Variants in ALK observed in about 807,000 individuals in gnomAD.
ALK encodes ALK tyrosine kinase receptor.
In ALK, 74 loss-of-function variants were observed where a neutral mutation model predicts 163.1. The observed-to-expected ratio is 0.45, with a 90% confidence interval of 0.38 to 0.55. ALK has a LOEUF of 0.55. Among genes scored for constraint, ALK ranks in the 20% least tolerant of loss-of-function variants. The pLI is 0.00. For missense variants in ALK, 2,063 were observed against 2,105.3 expected (o/e 0.98, Z 0.39); for synonymous variants, 960 against 843.2 (o/e 1.14, Z -2.40).
At chr2:29,890,429 G>A (rs917945957) in intron 1 of ALK, 18 of 152,274 alleles carry the variant, frequency 1.2e-4, no homozygotes, top group African/African-American at 4.3e-4. Context: ...ACTACAAAAA[G>A]GTTATAGGCG....
chr2:29,573,678 T>A (rs1674442748), intron 3 of ALK, among the ~76,000 whole-genome samples: 1 of 152,128 alleles, frequency 6.6e-6, no homozygotes. Flanking sequence ...ACAGAGAGCG[T>A]GCGGGCCACA....
rs774392951 is a variant in ALK, at chr2:29,476,209, C to G, written c.1154+55706G>C. On this transcript the variant is annotated intron_variant, in intron 4 of 28. Transcript: ENST00000389048. ...CAAATGCTGCCCTCTCCTCCCCATG[C>G]CTGCAGGCATGCATCTAGTCCTTCA... 7.6e-4 allele frequency among the ~76,000 whole-genome samples: 116 copies of G among 152,244 alleles called. 1 individual carries two copies. The highest frequency in any genetic ancestry group is 1.3e-4 in the Non-Finnish European group (9 of 68,016).
chr2:29,638,698 G>C (rs959300752), intron 3 of ALK, among the ~76,000 whole-genome samples: 2 of 152,086 alleles, frequency 1.3e-5, no homozygotes, highest in Non-Finnish European at 2.9e-5. Flanking sequence ...TTGCCCTACA[G>C]TTTCTCTGTT....
At chr2:29,488,810 G>A (rs372497041) in intron 4 of ALK, among the ~76,000 whole-genome samples, 3 of 152,100 alleles carry the variant, frequency 2.0e-5, no homozygotes, top group African/African-American at 4.8e-5. Context: ...TTGTTATCAC[G>A]GCCCGGTCTT....
At chr2:29,908,280 G>GCGCA (rs1667603375) in intron 1 of ALK, among the ~76,000 whole-genome samples, 1 of 148,470 alleles carries the variant, frequency 6.7e-6, no homozygotes, top group East Asian at 2.0e-4. Context: ...ACTCTCCAGA[G>GCGCA]CACACACACA....
In ALK at chr2:29,251,149, CA is replaced by C. The variant is rs2148197328; in HGVS notation, c.2159del (p.Leu720ArgfsTer32). The C allele has an allele frequency of 3.1e-6, 5 of 1,614,154 alleles. No homozygotes were observed. Among genetic ancestry groups the C allele is most frequent in the Non-Finnish European group, 4.2e-6 (5 of 1,180,028 alleles). ...GCACCTTCCAGATCTGGATGCCTTTCAGGGGGCCCTCGCTCCCCACCTCCAC... is the reference window on the plus strand; with the variant it reads ...GCACCTTCCAGATCTGGATGCCTTTCGGGGGCCCTCGCTCCCCACCTCCAC... ...LSVEVGSEGP[L>X]KGIQIWKVPA... On this transcript the variant is annotated frameshift_variant, in exon 12 of 29. Transcript: ENST00000389048. LOFTEE classifies it high-confidence loss of function.
At position 29,623,551 on chromosome 2, in the gene ALK, A is replaced by G. The variant is rs944684907; in HGVS notation, c.952+71299T>C. 2.0e-5 allele frequency among the ~76,000 whole-genome samples: 3 copies of G among 152,202 alleles called. No homozygotes were observed. The South Asian group carries it at 6.2e-4, about 32-fold the overall frequency. On this transcript the variant is annotated intron_variant, in intron 3 of 28. Transcript: ENST00000389048. ...ATCCTATGTGGTAGGTACTATTCACATCTCCATTTTCTAGATGATGGGGGT... is the reference window on the plus strand; with the variant it reads ...ATCCTATGTGGTAGGTACTATTCACGTCTCCATTTTCTAGATGATGGGGGT...
chr2:29,791,126 A>G (rs1414688364), intron 1 of ALK, among the ~76,000 whole-genome samples: 1 of 152,216 alleles, frequency 6.6e-6, no homozygotes, highest in East Asian at 1.9e-4. Flanking sequence ...TTAGTTTCCT[A>G]TCTCTGTACC....
In ALK at chr2:29,507,445, T is replaced by C. The variant is rs200195690; in HGVS notation, c.1154+24470A>G. On this transcript the variant is annotated intron_variant, in intron 4 of 28. Coordinates refer to ENST00000389048, the MANE Select transcript of ALK (RefSeq NM_004304.5). ...TGGGATGATGAAAAGGTTCTAGAGA[T>C]AGATGGTGGTGATAGTTGCAAAGCA... 1.9e-4 allele frequency among the ~76,000 whole-genome samples: 29 copies of C among 152,200 alleles called. No homozygotes were observed. In the South Asian group the frequency reaches 5.2e-3, roughly 27 times the overall value.
chr2:29,365,812 CCT>C (rs1209569409), intron 5 of ALK, among the ~76,000 whole-genome samples: 2 of 152,118 alleles, frequency 1.3e-5, no homozygotes, highest in Admixed American at 6.5e-5. Context: ...GGCACTGATA[CCT>C]CTCTCTGGTG....
rs139694201 is a variant in ALK at position 29,862,596 on chromosome 2, A to G, written c.667+57397T>C. ...GAAAGATCTGAACACTGAAAATTAT[A>G]AAACATTGATGAAAGAAATTAAATA... On this transcript the variant is annotated intron_variant, in intron 1 of 28. Coordinates refer to ENST00000389048, the MANE Select transcript of ALK (RefSeq NM_004304.5). Among the ~76,000 whole-genome samples, 485 of 152,298 alleles carry G rather than the reference A, an allele frequency of 3.2e-3. 1 individual carries two copies. Among genetic ancestry groups the G allele is most frequent in the African/African-American group, 0.011 (450 of 41,574 alleles).
At chr2:29,323,942 G>A (rs1316558023) in intron 6 of ALK, among the ~76,000 whole-genome samples, 1 of 152,166 alleles carries the variant, frequency 6.6e-6, no homozygotes, top group Admixed American at 6.5e-5. Context: ...TGTGGTCCAG[G>A]GACCAGCTGT....
At chr2:29,919,122 T>C (rs1232512000) in intron 1 of ALK, among the ~76,000 whole-genome samples, 1 of 152,034 alleles carries the variant, frequency 6.6e-6, no homozygotes. Flanking sequence ...AAAATCTCAT[T>C]TTAGGAGTCT....
intron 4 of ALK, among the ~76,000 whole-genome samples, chr2:29,484,701 T>C (rs1021120845): frequency 6.6e-6 from 1 of 152,190 alleles, no homozygotes; most frequent in Non-Finnish European, 1.5e-5. Flanking sequence ...AATACATCCT[T>C]CAATAGTCTT....
Position 29,227,120 on chromosome 2 carries a change from C to T in ALK, c.2915-46G>A, listed in dbSNP as rs1664026396. The stretch of plus-strand genomic sequence containing the variant: ...TCAGTCTTGGGCCGAGCCTGCCTCC[C>T]CACTCCCAGCCTCAGTACTATGTCT... On this transcript the variant is annotated intron_variant, in intron 17 of 28. Transcript: ENST00000389048. The surrounding 1 kb of genome is among the most constrained non-coding windows in gnomAD (Gnocchi z 4.4). The T allele has an allele frequency of 6.2e-7, 1 of 1,613,316 alleles. No homozygotes were observed. The highest frequency in any genetic ancestry group is 1.3e-5 in the African/African-American group (1 of 74,902).
intron 1 of ALK, among the ~76,000 whole-genome samples, chr2:29,843,189 A>T (rs189074072): frequency 4.0e-4 from 61 of 152,062 alleles, no homozygotes; most frequent in African/African-American, 1.3e-3. Flanking sequence ...AGGGGAAAAG[A>T]CCCACCAGCT....
chr2:29,787,020 C>A (rs1298041646), intron 1 of ALK, among the ~76,000 whole-genome samples: 5 of 152,176 alleles, frequency 3.3e-5, no homozygotes, highest in African/African-American at 1.2e-4. Flanking sequence ...TGGTCTCGAT[C>A]TCCTGACCTC....
intron 9 of ALK, among the ~76,000 whole-genome samples, chr2:29,283,844 C>T (rs150151423): frequency 6.6e-6 from 1 of 152,282 alleles, no homozygotes; most frequent in Non-Finnish European, 1.5e-5. Context: ...CCACAAATGA[C>T]ATCTCTCCCC....
intron 3 of ALK, among the ~76,000 whole-genome samples, chr2:29,539,540 C>T (rs993175514): frequency 3.9e-5 from 6 of 152,090 alleles, no homozygotes; most frequent in Admixed American, 6.5e-5. Flanking sequence ...TTGTAATCAG[C>T]TACTGTCCAA....
Sources: gnomAD v4.1 joint callset for allele counts (sites outside exome capture counted in the v4.1 genomes callset) on GRCh38, gnomAD v4.1.1 for gene constraint, Gnocchi (gnomAD v3.1) non-coding constraint, MANE v1.5 for transcripts, NCBI Gene and HGNC (gene_info 2026-07-23, HGNC 2026-07-21) for gene names.